Variants in FILIP1 observed in about 807,000 individuals in gnomAD.
FILIP1 encodes the protein filamin A interacting protein 1, also known as filamin-A-interacting protein 1.
In FILIP1, 61 loss-of-function variants were observed where a neutral mutation model predicts 102.1. The observed-to-expected ratio is 0.60, with a 90% CI of 0.49 to 0.74. The LOEUF (loss-of-function observed/expected upper bound fraction) is 0.74. FILIP1 is among the 30% of genes least tolerant of loss of function. The pLI, the probability that FILIP1 is intolerant of heterozygous loss-of-function variation, is 0.00. For synonymous variants in FILIP1, 491 were observed against 526.9 expected (o/e 0.93, Z 0.93); for missense variants, 1,314 against 1,441.2 (o/e 0.91, Z 1.43).
At chr6:75,363,215 A>C (rs1350142690) in intron 2 of FILIP1, among the ~76,000 whole-genome samples, 6 of 152,146 alleles carry the variant, frequency 3.9e-5, no homozygotes, top group Non-Finnish European at 8.8e-5. Context: ...GAGGGAGGCA[A>C]GCAGGGCTGG....
intron 1 of FILIP1, among the ~76,000 whole-genome samples, chr6:75,420,123 G>A (rs1270361990): frequency 1.3e-5 from 2 of 152,024 alleles, no homozygotes; most frequent in African/African-American, 4.8e-5. Context: ...GGATTCTCTT[G>A]GAGTCACTGC....
intron 4 of FILIP1, among the ~76,000 whole-genome samples, chr6:75,324,160 G>A (rs946403373): frequency 1.3e-5 from 2 of 152,080 alleles, no homozygotes; most frequent in African/African-American, 2.4e-5. Context: ...GACTCATCCA[G>A]AAAGCTTCTA....
chr6:75,323,842 C>T (rs545798303), intron 4 of FILIP1, among the ~76,000 whole-genome samples: 2 of 82,434 alleles, frequency 2.4e-5, no homozygotes, highest in Non-Finnish European at 5.7e-5. Flanking sequence ...TGGTTCCCCC[C>T]ACGCTGTTAT....
At chr6:75,466,228 C>T (rs1779162822) in intron 1 of FILIP1, among the ~76,000 whole-genome samples, 1 of 152,164 alleles carries the variant, frequency 6.6e-6, no homozygotes, top group Admixed American at 6.6e-5. Context: ...GTATTTATCA[C>T]CTTAACACTT....
At position 75,445,935 on chromosome 6, in the gene FILIP1, G is replaced by A. The variant is rs189758281; in HGVS notation, c.-6-30957C>T. Among the ~76,000 whole-genome samples the A allele has an allele frequency of 6.6e-5, 10 of 152,082 alleles. 1 individual carries two copies. Among genetic ancestry groups the A allele is most frequent in the Admixed American group, 5.9e-4 (9 of 15,268 alleles). On this transcript the variant is annotated intron_variant, in intron 1 of 5. Transcript: ENST00000237172. ...TATAATAAGATCATTATTTTGCTGAGTCTTACAAATTTGAAACTTTCTAAG... is the reference window on the plus strand; with the variant it reads ...TATAATAAGATCATTATTTTGCTGAATCTTACAAATTTGAAACTTTCTAAG...
chr6:75,431,575 G>A (rs975895587), intron 1 of FILIP1, among the ~76,000 whole-genome samples: 4 of 152,108 alleles, frequency 2.6e-5, no homozygotes, highest in African/African-American at 7.2e-5. Context: ...GCCTTGAGTC[G>A]TTCATATGCT....
chr6:75,426,436 A>C (rs1777627998), intron 1 of FILIP1, among the ~76,000 whole-genome samples: 1 of 152,180 alleles, frequency 6.6e-6, no homozygotes. Flanking sequence ...GACAGGAAAT[A>C]CAGTTCTAGC....
chr6:75,436,366 GGA>G (rs1562596306), intron 1 of FILIP1, among the ~76,000 whole-genome samples: 2 of 120,860 alleles, frequency 1.7e-5, no homozygotes, highest in Admixed American at 7.9e-5. Flanking sequence ...CCCTGTCTCA[GGA>G]AAAAAAAAAA....
At chr6:75,385,381 G>A (rs377632969) in intron 2 of FILIP1, among the ~76,000 whole-genome samples, 1 of 152,152 alleles carries the variant, frequency 6.6e-6, no homozygotes. Context: ...ACTTGAAGGA[G>A]TGCTGGCATA....
chr6:75,311,496 T>C (rs537110129), intron 5 of FILIP1, among the ~76,000 whole-genome samples: 86 of 152,102 alleles, frequency 5.7e-4, no homozygotes, highest in African/African-American at 2.0e-3. Flanking sequence ...TGTTTGTTTG[T>C]TTGTTTGCTT....
chr6:75,292,300 A>C (rs1035118765), exon 7 of FILIP1: 25 of 152,248 alleles, frequency 1.6e-4, no homozygotes. Flanking sequence ...TCTAGATTAA[A>C]TAAATATAGT....
chr6:75,413,834 C>A (rs1328024784), intron 2 of FILIP1, among the ~76,000 whole-genome samples: 1 of 148,604 alleles, frequency 6.7e-6, no homozygotes, highest in Non-Finnish European at 1.5e-5. Context: ...TATAATTGTT[C>A]AGGGCTCAGA....
chr6:75,292,386 C>T (rs1459123547), exon 7 of FILIP1: 1 of 152,040 alleles, frequency 6.6e-6, no homozygotes, highest in African/African-American at 2.4e-5. Context: ...AAAACAACAC[C>T]GGAAAGCAAA....
chr6:75,310,949 T>C (rs1773162170), intron 5 of FILIP1, among the ~76,000 whole-genome samples: 1 of 152,160 alleles, frequency 6.6e-6, no homozygotes, highest in South Asian at 2.1e-4. Flanking sequence ...ATTAAGAATA[T>C]AGGAAAATAA....
At position 75,310,506 on chromosome 6, in the gene FILIP1, C is replaced by A. The variant is rs566119037; in HGVS notation, c.3436-1609G>T. 4.6e-5 allele frequency among the ~76,000 whole-genome samples: 7 copies of A among 152,284 alleles called. 1 individual carries two copies. The South Asian group carries it at 1.5e-3, about 32-fold the overall frequency. On this transcript the variant is annotated intron_variant, in intron 5 of 5. Coordinates refer to ENST00000237172, the MANE Select transcript of FILIP1 (RefSeq NM_015687.5). ...CCTTTTGTCCTTGATTTTATGAGAT[C>A]TGATATACTTAAAATAGGTGGACCA...
At chr6:75,398,770 C>T (rs1776548718) in intron 2 of FILIP1, 1 of 152,178 alleles carries the variant, frequency 6.6e-6, no homozygotes, top group Non-Finnish European at 1.5e-5. Flanking sequence ...TTCTTAAAAA[C>T]ATTTAATAAC....
chr6:75,353,750 T>G (rs1213062661), intron 3 of FILIP1, 33 bp from the exon 4 acceptor site: 1 of 1,600,948 alleles, frequency 6.2e-7, no homozygotes, highest in East Asian at 2.2e-5. Flanking sequence ...GGGCTTAATA[T>G]TTTATTGCAT....
chr6:75,305,248 G>A (rs2149537413), downstream of FILIP1, among the ~76,000 whole-genome samples: 1 of 152,204 alleles, frequency 6.6e-6, no homozygotes, highest in East Asian at 1.9e-4. Flanking sequence ...CAATATAAAT[G>A]TGCTCTTCAT....
At chr6:75,461,260 C>G (rs1054847597) in intron 1 of FILIP1, among the ~76,000 whole-genome samples, 1 of 152,164 alleles carries the variant, frequency 6.6e-6, no homozygotes, top group Admixed American at 6.6e-5. Context: ...GTTTTACAAA[C>G]AAGGAATCCA....
Sources: gnomAD v4.1 joint callset for allele counts (sites outside exome capture counted in the v4.1 genomes callset) on GRCh38, gnomAD v4.1.1 for gene constraint, MANE v1.5 for transcripts, NCBI Gene and HGNC (gene_info 2026-07-23, HGNC 2026-07-21) for gene names.